The following ADGRV1 variants were observed in gnomAD, a reference collection of about 807,000 sequenced individuals.
The protein encoded by ADGRV1 is adhesion G protein-coupled receptor V1.
In ADGRV1, 359 loss-of-function variants were observed where a neutral mutation model predicts 596.2. The ratio of observed to expected loss-of-function variants is 0.60; its 90% CI spans 0.55 to 0.66. The LOEUF (loss-of-function observed/expected upper bound fraction) is 0.66. Among genes scored for constraint, ADGRV1 ranks in the 30% least tolerant of loss-of-function variants. The pLI is 0.00. For synonymous variants in ADGRV1, 2,681 were observed against 2,679.2 expected, an observed-to-expected ratio of 1.00 and a Z score of -0.02; for missense variants, 7,274 against 7,575.6, an observed-to-expected ratio of 0.96 and a Z score of 1.48.
intron 87 of ADGRV1, among the ~76,000 whole-genome samples, chr5:91,146,469 GA>G (rs1196986074): frequency 6.6e-6 from 1 of 152,238 alleles, no homozygotes; most frequent in African/African-American, 2.4e-5. Flanking sequence ...AGCTCTTTAA[GA>G]ATGCATGCGT....
At chr5:90,979,146 T>G (rs1476972869) in intron 84 of ADGRV1, among the ~76,000 whole-genome samples, 2 of 151,912 alleles carry the variant, frequency 1.3e-5, no homozygotes, top group Non-Finnish European at 2.9e-5. Context: ...ATAATAATAT[T>G]GTCAATATTT....
intron 50 of ADGRV1, among the ~76,000 whole-genome samples, chr5:90,739,284 A>T (rs1753653933): frequency 6.6e-6 from 1 of 151,828 alleles, no homozygotes; most frequent in Non-Finnish European, 1.5e-5. Flanking sequence ...TTTGTCATTC[A>T]TTTTATAGAT....
intron 1 of ADGRV1, among the ~76,000 whole-genome samples, chr5:90,581,842 C>G (rs1161758886): frequency 6.6e-6 from 1 of 152,204 alleles, no homozygotes; most frequent in African/African-American, 2.4e-5. Flanking sequence ...TTCTTCTTAA[C>G]ACTGCTTTGG....
chr5:90,569,163 A>AC (rs1159429223), intron 1 of ADGRV1, among the ~76,000 whole-genome samples: 1 of 150,192 alleles, frequency 6.7e-6, no homozygotes, highest in Non-Finnish European at 1.5e-5. Flanking sequence ...TGACTAACCC[A>AC]CCCCCCTAAT....
chr5:90,914,385 A>G (rs1458921385), intron 83 of ADGRV1, among the ~76,000 whole-genome samples: 1 of 152,128 alleles, frequency 6.6e-6, no homozygotes, highest in African/African-American at 2.4e-5. Context: ...TTTAAACCTC[A>G]CAACAAATCT....
intron 82 of ADGRV1, among the ~76,000 whole-genome samples, chr5:90,856,815 T>C (rs1767065797): frequency 6.6e-6 from 1 of 152,202 alleles, no homozygotes; most frequent in Non-Finnish European, 1.5e-5. Flanking sequence ...TTATAAATTG[T>C]GTCTATGTAA....
At position 90,783,866 on chromosome 5, in the gene ADGRV1, C is replaced by T; in HGVS notation, c.13462C>T (p.Leu4488Phe). 6.2e-7 allele frequency: 1 copy of T among 1,609,314 alleles called. No individual in the cohort carries two copies. Among genetic ancestry groups the T allele is most frequent in the Admixed American group, 1.7e-5 (1 of 59,460 alleles). ...ATTTGAGGAGCCCATTGAAATTCTA[C>T]TCACTGGAGCTACTGGAGGAGCGGT... ...SEFEEPIEIL[L>F]TGATGGAVLG... The change falls in exon 67 of 90, where the codon CTC becomes TTC. Residue 4488 changes from leucine to phenylalanine, a missense_variant. This residue lies in a region of ADGRV1 where 3,643 missense variants were observed against 3,809.2 expected (regional missense o/e 0.96). Transcript: ENST00000405460.
At chr5:90,562,365 G>A (rs1754941648) in intron 1 of ADGRV1, among the ~76,000 whole-genome samples, 1 of 152,072 alleles carries the variant, frequency 6.6e-6, no homozygotes, top group Non-Finnish European at 1.5e-5. Flanking sequence ...ATGCATGGAG[G>A]GTTCTCCAAT....
intron 85 of ADGRV1, among the ~76,000 whole-genome samples, chr5:90,996,772 A>G (rs1781453925): frequency 6.6e-6 from 1 of 152,254 alleles, no homozygotes; most frequent in Admixed American, 6.5e-5. Context: ...GCACAGGGTC[A>G]GAGCTGACCA....
chr5:90,748,422 A>C (rs1754863983), intron 52 of ADGRV1, among the ~76,000 whole-genome samples: 2 of 152,146 alleles, frequency 1.3e-5, no homozygotes, highest in African/African-American at 4.8e-5. Flanking sequence ...TTTTCAACAT[A>C]CAATCAACAT....
At chr5:91,089,651 C>G (rs1465031799) in intron 86 of ADGRV1, among the ~76,000 whole-genome samples, 1 of 152,076 alleles carries the variant, frequency 6.6e-6, no homozygotes, top group Non-Finnish European at 1.5e-5. Context: ...AGACATCATG[C>G]CATATTTGAC....
intron 29 of ADGRV1, among the ~76,000 whole-genome samples, 172 bp downstream of exon 29, chr5:90,686,167 G>C (rs529384741): frequency 5.3e-5 from 8 of 149,712 alleles, no homozygotes; most frequent in African/African-American, 9.8e-5. Flanking sequence ...TTTTTTGGGG[G>C]GGGGGATGGA....
intron 85 of ADGRV1, among the ~76,000 whole-genome samples, chr5:91,063,855 G>T (rs923551841): frequency 2.0e-5 from 3 of 152,006 alleles, no homozygotes; most frequent in African/African-American, 4.8e-5. Flanking sequence ...GCTGGTGGTG[G>T]TGGTGGTGGT....
chr5:91,109,582 A>G (rs1290785950), intron 87 of ADGRV1, among the ~76,000 whole-genome samples: 1 of 152,176 alleles, frequency 6.6e-6, no homozygotes, highest in Non-Finnish European at 1.5e-5. Flanking sequence ...TTCCAAGTGC[A>G]TTGATCATGG....
At chr5:90,576,731 C>A (rs1166210580) in intron 1 of ADGRV1, among the ~76,000 whole-genome samples, 1 of 152,170 alleles carries the variant, frequency 6.6e-6, no homozygotes, top group Non-Finnish European at 1.5e-5. Context: ...GTCCCACTGA[C>A]CAACAGTCTG....
chr5:91,001,939 T>TA (rs1294246001), intron 85 of ADGRV1, among the ~76,000 whole-genome samples: 1 of 152,188 alleles, frequency 6.6e-6, no homozygotes, highest in Non-Finnish European at 1.5e-5. Context: ...TGACACTAAA[T>TA]ATTGTAACAT....
intron 73 of ADGRV1, among the ~76,000 whole-genome samples, chr5:90,809,227 A>T (rs952471399): frequency 2.7e-5 from 4 of 149,970 alleles, no homozygotes; most frequent in African/African-American, 9.8e-5. Flanking sequence ...AAGTGCTGGG[A>T]TTACAGGCGT....
intron 85 of ADGRV1, among the ~76,000 whole-genome samples, chr5:91,008,587 T>G (rs1782475349): frequency 6.6e-6 from 1 of 152,088 alleles, no homozygotes; most frequent in African/African-American, 2.4e-5. Context: ...CACTGCAACC[T>G]CCACCTCCCA....
chr5:90,595,557 C>CG (rs1372314450), intron 1 of ADGRV1, among the ~76,000 whole-genome samples: 3 of 125,410 alleles, frequency 2.4e-5, no homozygotes, highest in East Asian at 4.8e-4. Context: ...GCTGGCCGGG[C>CG]GGGGGGCTGA....
Sources: gnomAD v4.1 joint callset for allele counts (sites outside exome capture counted in the v4.1 genomes callset) on GRCh38, gnomAD v4.1.1 for gene constraint, gnomAD v4.1.1 regional missense constraint, MANE v1.5 for transcripts, NCBI Gene and HGNC (gene_info 2026-07-23, HGNC 2026-07-21) for gene names.